SPIDR: variants seen among roughly 807,000 people sequenced by gnomAD.
SPIDR encodes the protein scaffold protein involved in DNA repair, also known as DNA repair-scaffolding protein.
A neutral mutation model predicts 104.6 loss-of-function variants in SPIDR; 93 were observed. The observed-to-expected ratio is 0.89, with a 90% CI of 0.75 to 1.06. SPIDR has a LOEUF of 1.06. SPIDR is among the 50% of genes least tolerant of loss of function. The probability of loss-of-function intolerance (pLI) is 0.00; values close to 1 mark genes in which losing one functional copy is unlikely to be tolerated. For missense variants in SPIDR, 1,154 were observed against 1,111.2 expected (o/e 1.04, Z -0.55); for synonymous variants, 431 against 416.9 (o/e 1.03, Z -0.41).
chr8:47,322,998 T>TTAC lies in SPIDR; in HGVS notation c.525+28970_525+28972dup, dbSNP rs2047007974. 9.2e-5 allele frequency among the ~76,000 whole-genome samples: 14 copies of TTAC among 151,678 alleles called. No homozygotes were observed. In the South Asian group the frequency reaches 2.7e-3, roughly 29 times the overall value. On this transcript the variant is annotated intron_variant, in intron 5 of 19. Coordinates refer to ENST00000297423, the MANE Select transcript of SPIDR (RefSeq NM_001080394.4). ...GGTATACCTAATGTTAAATGACGAG[T>TTAC]TACTGTGTGCAGCAGACCAACATGG...
At chr8:47,261,106 T>G (rs914858382) in intron 1 of SPIDR, 115 bp downstream of exon 1, 1 of 1,135,860 alleles carries the variant, frequency 8.8e-7, no homozygotes, top group African/African-American at 1.6e-5. Context: ...GCGTTGGGGG[T>G]GAAGGGCTAG....
At chr8:47,488,461 C>T (rs1423192235) in intron 8 of SPIDR, among the ~76,000 whole-genome samples, 1 of 152,120 alleles carries the variant, frequency 6.6e-6, no homozygotes, top group African/African-American at 2.4e-5. Flanking sequence ...GAAACTATTC[C>T]AATCAACAGA....
chr8:47,435,272 C>G (rs1251558022), intron 7 of SPIDR, among the ~76,000 whole-genome samples: 1 of 151,976 alleles, frequency 6.6e-6, no homozygotes, highest in Non-Finnish European at 1.5e-5. Flanking sequence ...CCCTGGCTTC[C>G]CAAAGTGCCG....
chr8:47,450,855 T>A (rs901898696), intron 8 of SPIDR, among the ~76,000 whole-genome samples: 1 of 152,182 alleles, frequency 6.6e-6, no homozygotes, highest in Non-Finnish European at 1.5e-5. Flanking sequence ...GTTGAACACT[T>A]ACAGCAAATA....
intron 11 of SPIDR, among the ~76,000 whole-genome samples, chr8:47,684,670 T>A (rs1484320857): frequency 6.6e-6 from 1 of 152,208 alleles, no homozygotes. Flanking sequence ...TTCTACTTAA[T>A]TGAAAAAGTA....
chr8:47,391,912 C>T (rs1266669901), intron 5 of SPIDR, among the ~76,000 whole-genome samples: 3 of 148,540 alleles, frequency 2.0e-5, no homozygotes, highest in African/African-American at 7.5e-5. Context: ...AGGAGAACGG[C>T]GTGAACCTGG....
Position 47,485,361 on chromosome 8 carries a change from C to T in SPIDR, c.1097+44819C>T, listed in dbSNP as rs1480775423. On this transcript the variant is annotated intron_variant, in intron 8 of 19. Coordinates refer to ENST00000297423, the MANE Select transcript of SPIDR (RefSeq NM_001080394.4). ...AGGTAAACAAAGCAGCCAGGAAGCT[C>T]GAACTGGGTGGAGCCCACGACAGCT... is the stretch of plus-strand genomic sequence containing the variant. Among the ~76,000 whole-genome samples, 4 of 152,354 alleles carry T rather than the reference C, an allele frequency of 2.6e-5. No individual in the cohort carries two copies. In the South Asian group the frequency reaches 8.3e-4, roughly 32 times the overall value.
intron 8 of SPIDR, among the ~76,000 whole-genome samples, chr8:47,531,675 C>T (rs1438640433): frequency 6.6e-6 from 1 of 152,162 alleles, no homozygotes; most frequent in Non-Finnish European, 1.5e-5. Flanking sequence ...TTCCTTTTCT[C>T]TTACCTCTTC....
chr8:47,301,427 G>A (rs1459770360), intron 5 of SPIDR, among the ~76,000 whole-genome samples: 1 of 152,144 alleles, frequency 6.6e-6, no homozygotes, highest in Non-Finnish European at 1.5e-5. Flanking sequence ...TTTTATTGGA[G>A]CATTTAGCCC....
intron 7 of SPIDR, among the ~76,000 whole-genome samples, chr8:47,419,430 T>A (rs1554678106): frequency 6.6e-6 from 1 of 152,242 alleles, no homozygotes; most frequent in Admixed American, 6.5e-5. Context: ...TATTCTCTGA[T>A]GGTAGTTTGT....
intron 1 of SPIDR, among the ~76,000 whole-genome samples, chr8:47,264,702 T>C (rs2033492170): frequency 6.6e-6 from 1 of 151,880 alleles, no homozygotes; most frequent in Non-Finnish European, 1.5e-5. Context: ...CGATCTCGGC[T>C]CACTGCAACC....
intron 11 of SPIDR, 72 bp downstream of exon 11, chr8:47,674,013 T>A: frequency 6.6e-7 from 1 of 1,516,698 alleles, no homozygotes; most frequent in Non-Finnish European, 8.8e-7. Flanking sequence ...TTGTCTCTAA[T>A]TTTATTTTTA....
At chr8:47,333,726 A>G (rs116106783) in intron 5 of SPIDR, among the ~76,000 whole-genome samples, 1 of 152,236 alleles carries the variant, frequency 6.6e-6, no homozygotes, top group Non-Finnish European at 1.5e-5. Context: ...GGCAGCATAC[A>G]GTAAGTCTGT....
chr8:47,410,213 G>A (rs1449439668), intron 7 of SPIDR, among the ~76,000 whole-genome samples: 10 of 148,706 alleles, frequency 6.7e-5, no homozygotes, highest in East Asian at 3.9e-4. Flanking sequence ...ACAGCATCTC[G>A]CTCTGTCACC....
At chr8:47,466,912 T>TATATAGATAG (rs1462336747) in intron 8 of SPIDR, among the ~76,000 whole-genome samples, 13 of 113,354 alleles carry the variant, frequency 1.1e-4, no homozygotes, top group African/African-American at 2.4e-4. Flanking sequence ...TATATATATA[T>TATATAGATAG]ATAGATAGAT....
chr8:47,672,565 A>G (rs1171582308), intron 10 of SPIDR, among the ~76,000 whole-genome samples: 3 of 152,236 alleles, frequency 2.0e-5, no homozygotes, highest in Non-Finnish European at 4.4e-5. Context: ...CAATAAATGT[A>G]GCTTTCCTTT....
At chr8:47,442,983 A>T (rs1554698410) in intron 8 of SPIDR, among the ~76,000 whole-genome samples, 1 of 152,084 alleles carries the variant, frequency 6.6e-6, no homozygotes, top group Non-Finnish European at 1.5e-5. Context: ...TTAATATCTA[A>T]ATATGATTAT....
At chr8:47,723,433 T>TC (rs931365913) in intron 16 of SPIDR, among the ~76,000 whole-genome samples, 4 of 149,110 alleles carry the variant, frequency 2.7e-5, no homozygotes, top group African/African-American at 7.4e-5. Flanking sequence ...ACTTTTTTTT[T>TC]TTTTTTTTTT....
chr8:47,495,671 C>T (rs571809254), intron 8 of SPIDR, among the ~76,000 whole-genome samples: 1 of 152,098 alleles, frequency 6.6e-6, no homozygotes, highest in Admixed American at 6.6e-5. Context: ...ATAGTTTTAG[C>T]TCTTCCTTTT....
Sources: gnomAD v4.1 joint callset for allele counts (sites outside exome capture counted in the v4.1 genomes callset) on GRCh38, gnomAD v4.1.1 for gene constraint, MANE v1.5 for transcripts, NCBI Gene and HGNC (gene_info 2026-07-23, HGNC 2026-07-21) for gene names.